GPALPP1: variants seen among roughly 807,000 people sequenced by gnomAD.
The protein encoded by GPALPP1 is GPALPP motifs containing 1, also known as GPALPP motifs-containing protein 1.
A neutral mutation model predicts 38.9 loss-of-function variants in GPALPP1; 30 were observed. That is an observed-to-expected ratio of 0.77 (90% confidence interval 0.58 to 1.05). The LOEUF is 1.05. GPALPP1 is among the 50% of genes least tolerant of loss of function. The pLI is 0.00. For missense variants in GPALPP1, 384 were observed against 408.8 expected (o/e 0.94, Z 0.52); for synonymous variants, 120 against 139.2 (o/e 0.86, Z 0.97).
intron 1 of GPALPP1, among the ~76,000 whole-genome samples, chr13:44,992,956 C>G (rs1364498610): frequency 6.6e-6 from 1 of 152,202 alleles, no homozygotes; most frequent in Non-Finnish European, 1.5e-5. Context: ...CCATTCTCCC[C>G]TCTGACCCAG....
chr13:45,026,977 T>G (rs1306486525), intron 7 of GPALPP1, among the ~76,000 whole-genome samples: 1 of 152,144 alleles, frequency 6.6e-6, no homozygotes, highest in African/African-American at 2.4e-5. Flanking sequence ...GCCAAATCAA[T>G]TGTAAGAAAG....
At chr13:45,010,793 G>C (rs2137981464) in intron 4 of GPALPP1, among the ~76,000 whole-genome samples, 1 of 152,278 alleles carries the variant, frequency 6.6e-6, no homozygotes, top group South Asian at 2.1e-4. Flanking sequence ...AGACCACCCA[G>C]GGCAACATAG....
chr13:45,037,345 A>C (rs1199833724), exon 8 of GPALPP1: 1 of 152,228 alleles, frequency 6.6e-6, no homozygotes, highest in Non-Finnish European at 1.5e-5. Context: ...GTAATGGCTG[A>C]AAGCAACACA....
chr13:44,996,799 TTTTTTTTTTTC>T (rs1393102950), intron 1 of GPALPP1, among the ~76,000 whole-genome samples: 16 of 146,530 alleles, frequency 1.1e-4, no homozygotes, highest in African/African-American at 4.0e-4. Flanking sequence ...TTTTTTTTTT[TTTTTTTTTTTC>T]CAGTTTTTAA....
chr13:45,024,147 CTGTGTGTGTGTG>C (rs58048658), intron 7 of GPALPP1, among the ~76,000 whole-genome samples: 1,309 of 23,296 alleles, frequency 0.056, 99 homozygotes, highest in African/African-American at 0.081. Flanking sequence ...CCCTAAAACT[CTGTGTGTGTGTG>C]TGTGTGTGTG....
chr13:45,009,312 G>T (rs1475893730), intron 4 of GPALPP1, among the ~76,000 whole-genome samples: 1 of 152,158 alleles, frequency 6.6e-6, no homozygotes, highest in African/African-American at 2.4e-5. Context: ...TGCACTGGTG[G>T]ATAAGTGATT....
In GPALPP1 at chr13:45,008,886, T is replaced by A; in HGVS notation, c.408+7T>A. ...AGATGATCCAGGACAACAGGTATCA[T>A]CATCCCATTTCAACTCTAAGGTTTG... On this transcript the variant is annotated splice_region_variant and intron_variant, in intron 4 of 7. Transcript: ENST00000379151. The A allele has an allele frequency of 6.8e-7, 1 of 1,467,652 alleles. No individual in the cohort carries two copies. The highest frequency in any genetic ancestry group is 9.6e-7 in the Non-Finnish European group (1 of 1,046,406). The allele number at this position is 1,467,652 out of a possible 1,614,324, so 90.9% of individuals were successfully genotyped here.
intron 3 of GPALPP1, 146 bp from the exon 4 acceptor site, chr13:45,008,649 G>A: frequency 1.7e-6 from 1 of 582,736 alleles, no homozygotes; most frequent in South Asian, 2.3e-5. Context: ...AAAGATACTA[G>A]GTAATACTAG....
At chr13:45,027,419 C>G (rs560573381) in intron 7 of GPALPP1, among the ~76,000 whole-genome samples, 1 of 152,310 alleles carries the variant, frequency 6.6e-6, no homozygotes, top group South Asian at 2.1e-4. Flanking sequence ...TTTGCCACAT[C>G]CGTGTTCTTA....
Position 45,004,409 on chromosome 13 carries a change from G to A in GPALPP1, c.193G>A (p.Glu65Lys), listed in dbSNP as rs1453130562. 2.5e-6 allele frequency: 4 copies of A among 1,610,362 alleles called. No homozygotes were observed. Among genetic ancestry groups the A allele is most frequent in the Non-Finnish European group, 3.4e-6 (4 of 1,176,682 alleles). ...GTACGAAGAAGGAAATCAAGAATCT[G>A]AAGAAGATGACAGTGGTCCAACTGC... ...SLYEEGNQES[E>K]EDDSGPTARK... Residue 65 changes from glutamate (E) to lysine (K), a missense_variant, in exon 2 of 8, where the codon GAA (glutamate) becomes AAA (lysine). Glu to Lys is a moderately conservative substitution (Grantham distance 56, BLOSUM62 1). Transcript: ENST00000379151.
intron 4 of GPALPP1, among the ~76,000 whole-genome samples, chr13:45,013,484 A>G (rs886528191): frequency 6.6e-6 from 1 of 152,232 alleles, no homozygotes; most frequent in African/African-American, 2.4e-5. Context: ...CAGTCAGCTG[A>G]GCAAGAAGAA....
intron 4 of GPALPP1, 108 bp downstream of exon 4, chr13:45,008,987 G>A (rs2137978143): frequency 4.1e-6 from 3 of 724,324 alleles, no homozygotes; most frequent in Non-Finnish European, 5.1e-6. Flanking sequence ...ACAACCACTG[G>A]ACTCAACTGT....
chr13:44,998,916 G>C (rs1427792069), intron 1 of GPALPP1, among the ~76,000 whole-genome samples: 2 of 152,156 alleles, frequency 1.3e-5, no homozygotes, highest in Non-Finnish European at 2.9e-5. Flanking sequence ...CACAGATTTT[G>C]GTAGCTGCAA....
At chr13:45,021,819 T>C (rs1875451348) in intron 7 of GPALPP1, among the ~76,000 whole-genome samples, 1 of 152,334 alleles carries the variant, frequency 6.6e-6, no homozygotes, top group Non-Finnish European at 1.5e-5. Flanking sequence ...TAATGAGTTA[T>C]GTAAGAAAAG....
intron 1 of GPALPP1, among the ~76,000 whole-genome samples, chr13:45,001,109 G>A (rs1339952509): frequency 6.6e-6 from 1 of 152,126 alleles, no homozygotes; most frequent in African/African-American, 2.4e-5. Flanking sequence ...CTGGTGGGAG[G>A]TAACTGAATC....
chr13:45,001,102 G>A (rs1271901379), intron 1 of GPALPP1, among the ~76,000 whole-genome samples: 2 of 152,162 alleles, frequency 1.3e-5, no homozygotes, highest in Non-Finnish European at 2.9e-5. Context: ...GAGGGACCTG[G>A]TGGGAGGTAA....
chr13:45,034,858 T>G (rs1876352355), downstream of GPALPP1: 1 of 150,196 alleles, frequency 6.7e-6, no homozygotes, highest in Non-Finnish European at 1.5e-5. Context: ...TGCCTCAGCC[T>G]CCTGATAGCT....
chr13:45,027,879 C>A lies in GPALPP1; in HGVS notation c.899C>A (p.Pro300Gln), dbSNP rs571780303. 1 of 1,605,490 alleles carries A rather than the reference C, an allele frequency of 6.2e-7. No homozygotes were observed. The highest frequency in any genetic ancestry group is 8.5e-7 in the Non-Finnish European group (1 of 1,172,380). Residue 300 changes from proline to glutamine, a missense_variant, in exon 8 of 8, where the codon CCA (proline) becomes CAA (glutamine). Pro to Gln is a moderately conservative substitution (Grantham distance 76, BLOSUM62 -1). Transcript: ENST00000379151. ...EDKNKPQERIPFDRDKDLKVN... is the reference protein window; with the variant it reads ...EDKNKPQERIQFDRDKDLKVN... Reference sequence around the variant, plus strand: ...AAAAATAAGCCTCAAGAGAGAATACCATTTGACCGTGATAAAGATCTCAAG... The same window carrying A: ...AAAAATAAGCCTCAAGAGAGAATACAATTTGACCGTGATAAAGATCTCAAG...
At chr13:44,996,615 T>A in intron 1 of GPALPP1, among the ~76,000 whole-genome samples, 1 of 151,744 alleles carries the variant, frequency 6.6e-6, no homozygotes, top group African/African-American at 2.4e-5. Flanking sequence ...CCTGACTAGC[T>A]GAAATTACGG....
Sources: gnomAD v4.1 joint callset for allele counts (sites outside exome capture counted in the v4.1 genomes callset) on GRCh38, gnomAD v4.1.1 for gene constraint, MANE v1.5 for transcripts, NCBI Gene and HGNC (gene_info 2026-07-23, HGNC 2026-07-21) for gene names.